The following STOML3 variants were observed in gnomAD, a reference collection of about 807,000 sequenced individuals.
STOML3 encodes stomatin like 3, also known as stomatin-like protein 3.
A neutral mutation model predicts 29.5 loss-of-function variants in STOML3; 31 were observed. The observed-to-expected ratio is 1.05, with a 90% confidence interval of 0.79 to 1.42. STOML3 has a LOEUF of 1.42. Among genes scored for constraint, STOML3 ranks in the 40% most tolerant of loss-of-function variants. The probability of loss-of-function intolerance (pLI) is 0.00; values close to 1 mark genes in which losing one functional copy is unlikely to be tolerated. For missense variants in STOML3, 380 were observed against 363.0 expected, an observed-to-expected ratio of 1.05 and a Z score of -0.38; for synonymous variants, 122 against 139.8, an observed-to-expected ratio of 0.87 and a Z score of 0.90.
chr13:38,976,772 T>A lies in STOML3; in HGVS notation c.78A>T (p.Val26=). The A allele has an allele frequency of 1.2e-6, 2 of 1,613,906 alleles. No individual in the cohort carries two copies. Among genetic ancestry groups the A allele is most frequent in the Non-Finnish European group, 1.7e-6 (2 of 1,179,922 alleles). ...AGAGGGAAAACAGGATCCAGCCACA[T>A]ACACCAAGCCGTTTATTGTTGACAC... The part of the protein sequence containing the change: ...FVGVNNKRLG[V]CGWILFSLSF... The change falls in exon 2 of 7, where the codon GTA becomes GTT. Residue 26 remains valine (V), a synonymous_variant. Transcript: ENST00000379631.
intron 1 of STOML3, among the ~76,000 whole-genome samples, chr13:38,985,939 A>C (rs1868512730): frequency 4.1e-5 from 1 of 24,120 alleles, no homozygotes; most frequent in Admixed American, 5.2e-4. Flanking sequence ...TTTTTGTTTG[A>C]GAGAGAGTCT....
intron 5 of STOML3, among the ~76,000 whole-genome samples, 195 bp from the exon 6 acceptor site, chr13:38,968,729 G>GA (rs1159784259): frequency 1.3e-5 from 2 of 152,054 alleles, no homozygotes; most frequent in African/African-American, 4.8e-5. Context: ...AATTTAAAGT[G>GA]AATCTCTTTA....
chr13:38,978,048 C>T (rs147573990), intron 1 of STOML3, among the ~76,000 whole-genome samples: 15,555 of 152,130 alleles, frequency 0.1, 1,068 homozygotes, highest in Admixed American at 0.19. Flanking sequence ...GCGTGAGCCA[C>T]CGCGCCCGGC....
chr13:38,976,498 G>C (rs1204815406), intron 3 of STOML3, 42 bp downstream of exon 3: 1 of 1,599,918 alleles, frequency 6.3e-7, no homozygotes, highest in Non-Finnish European at 8.6e-7. Context: ...GTAGTATTAG[G>C]TGTCCCTGAT....
chr13:38,983,156 C>G (rs1881325025), intron 1 of STOML3, among the ~76,000 whole-genome samples: 2 of 152,170 alleles, frequency 1.3e-5, no homozygotes, highest in South Asian at 4.1e-4. Flanking sequence ...CCTAAAATGA[C>G]TGAGACCTGT....
intron 1 of STOML3, among the ~76,000 whole-genome samples, chr13:38,985,902 C>CTTTTTTTTT (rs1371193997): frequency 8.5e-5 from 3 of 35,442 alleles, no homozygotes; most frequent in African/African-American, 2.0e-4. Context: ...TTTTTTTTTT[C>CTTTTTTTTT]TTTTCTTTCT....
At position 38,990,752 on chromosome 13, in the gene STOML3, A is replaced by G. The variant is rs1868972543; in HGVS notation, c.-31T>C. 2 of 1,610,648 alleles carry G rather than the reference A, an allele frequency of 1.2e-6. No homozygotes were observed. Among genetic ancestry groups the G allele is most frequent in the Non-Finnish European group, 8.5e-7 (1 of 1,177,474 alleles). On this transcript the variant is annotated 5_prime_UTR_variant, in exon 1 of 7. Coordinates refer to ENST00000379631, the MANE Select transcript of STOML3 (RefSeq NM_145286.3). ...TCTTGAGAAGCTTTTATACTTGGCA[A>G]TTTTTCATGGGTTTGGAGCTAAGTG...
intron 3 of STOML3, among the ~76,000 whole-genome samples, chr13:38,973,158 T>TGTAA (rs1293984981): frequency 7.0e-6 from 1 of 143,494 alleles, no homozygotes; most frequent in African/African-American, 2.6e-5. Flanking sequence ...CACACATGCC[T>TGTAA]GTAATCCCAG....
chr13:38,975,933 G>C (rs943560620), intron 3 of STOML3, among the ~76,000 whole-genome samples: 1 of 151,886 alleles, frequency 6.6e-6, no homozygotes, highest in African/African-American at 2.4e-5. Context: ...ATGTTAGAAG[G>C]CCTGAAAACT....
In STOML3 at chr13:38,972,608, A is replaced by T; in HGVS notation, c.230-14T>A. The T allele has an allele frequency of 6.2e-7, 1 of 1,612,718 alleles. No homozygotes were observed. The highest frequency in any genetic ancestry group is 1.7e-5 in the Admixed American group (1 of 59,946). On this transcript the variant is annotated splice_polypyrimidine_tract_variant and intron_variant, in intron 3 of 6. Transcript: ENST00000379631. ...CCAGGATCAAACCTATGAGAGAAAA[A>T]ATCAGTTTAAAATGTTGCTCTGTTG...
Position 38,966,185 on chromosome 13 carries a change from C to T in STOML3, c.*640G>A, listed in dbSNP as rs1176878694. On this transcript the variant is annotated 3_prime_UTR_variant, in exon 7 of 7. Coordinates refer to ENST00000379631, the MANE Select transcript of STOML3 (RefSeq NM_145286.3). ...ACTTTCATGTGCCTTTTCCCACCCT[C>T]TGATAATGGTGCTGGAAGGTGGAGA... 2 of 152,210 alleles carry T rather than the reference C, an allele frequency of 1.3e-5. No individual in the cohort carries two copies. Among genetic ancestry groups the T allele is most frequent in the Non-Finnish European group, 2.9e-5 (2 of 68,078 alleles). The allele number at this position is 152,210 out of a possible 1,614,324, so 9.4% of individuals were successfully genotyped here. A position where few individuals can be genotyped will look rare whatever the true frequency, so the allele number is the denominator to read the frequency against.
chr13:38,989,623 C>T (rs1333419657), intron 1 of STOML3, among the ~76,000 whole-genome samples: 2 of 151,950 alleles, frequency 1.3e-5, no homozygotes, highest in African/African-American at 2.4e-5. Context: ...CCACCTCAAC[C>T]TCCCACTTAG....
intron 4 of STOML3, 70 bp from the exon 5 acceptor site, chr13:38,970,458 C>A: frequency 7.6e-7 from 1 of 1,321,952 alleles, no homozygotes; most frequent in Non-Finnish European, 1.1e-6. Flanking sequence ...TGACAGCCAG[C>A]CCAAGAGCCA....
At chr13:38,984,950 G>T (rs1868449558) in intron 1 of STOML3, among the ~76,000 whole-genome samples, 1 of 152,152 alleles carries the variant, frequency 6.6e-6, no homozygotes, top group South Asian at 2.1e-4. Flanking sequence ...CAGGATGAGG[G>T]TGATGTTCAG....
At chr13:38,982,576 T>C (rs951569531) in intron 1 of STOML3, among the ~76,000 whole-genome samples, 4 of 152,162 alleles carry the variant, frequency 2.6e-5, no homozygotes, top group Admixed American at 6.5e-5. Flanking sequence ...GAAACTACCT[T>C]GTTTCAGATA....
intron 1 of STOML3, among the ~76,000 whole-genome samples, chr13:38,980,807 T>G (rs1164520662): frequency 1.3e-5 from 2 of 152,032 alleles, no homozygotes; most frequent in Non-Finnish European, 2.9e-5. Context: ...ATGCCTCTAT[T>G]ACAATGCCTT....
intron 3 of STOML3, among the ~76,000 whole-genome samples, chr13:38,974,386 C>T (rs1243416055): frequency 6.6e-6 from 1 of 151,900 alleles, no homozygotes; most frequent in Admixed American, 6.6e-5. Flanking sequence ...ACCTTACTTC[C>T]ATTTTTGGTG....
chr13:38,979,770 T>G (rs954257940), intron 1 of STOML3, among the ~76,000 whole-genome samples: 2 of 152,216 alleles, frequency 1.3e-5, no homozygotes, highest in Non-Finnish European at 2.9e-5. Context: ...TGGGCTAATA[T>G]GCATCTTTAT....
At chr13:38,982,903 C>T (rs1399230189) in intron 1 of STOML3, among the ~76,000 whole-genome samples, 1 of 152,092 alleles carries the variant, frequency 6.6e-6, no homozygotes, top group Non-Finnish European at 1.5e-5. Context: ...TAATTGTTCC[C>T]TGTCCCATTT....
Sources: allele counts gnomAD v4.1 joint callset (sites outside exome capture counted in the v4.1 genomes callset), GRCh38; gene constraint gnomAD v4.1.1; transcripts MANE v1.5; gene names NCBI Gene and HGNC (gene_info 2026-07-23, HGNC 2026-07-21).